ADGRG1: variants seen among roughly 807,000 people sequenced by gnomAD.
ADGRG1 encodes the protein 7-transmembrane protein with no EGF-like N-terminal domains-1.
In ADGRG1, 53 loss-of-function variants were observed where a neutral mutation model predicts 73.5. The observed-to-expected ratio is 0.72, with a 90% CI of 0.58 to 0.91. ADGRG1 has a LOEUF of 0.91. Among genes scored for constraint, ADGRG1 ranks in the 40% least tolerant of loss-of-function variants. The pLI is 0.00. For synonymous variants in ADGRG1, 394 were observed against 374.4 expected (o/e 1.05, Z -0.60); for missense variants, 795 against 871.8 (o/e 0.91, Z 1.11).
intron 3 of ADGRG1, chr16:57,652,981 G>C: frequency 7.1e-7 from 1 of 1,418,310 alleles, no homozygotes; most frequent in Non-Finnish European, 9.2e-7. Context: ...ATCCCGCTGG[G>C]GCTGGCATTG....
At chr16:57,644,725 TGGCACACACTGATCACAC>T (rs1567721408) in intron 1 of ADGRG1, among the ~76,000 whole-genome samples, 1 of 61,088 alleles carries the variant, frequency 1.6e-5, no homozygotes, top group Non-Finnish European at 3.4e-5. Flanking sequence ...TCACACGCAC[TGGCACACACTGATCACAC>T]GTATGCACGG....
intron 1 of ADGRG1, chr16:57,643,798 G>A (rs1381329466): frequency 1.1e-5 from 11 of 984,328 alleles, no homozygotes; most frequent in Non-Finnish European, 1.3e-5. Flanking sequence ...TCACTCACTT[G>A]GGGAGTGGGA....
chr16:57,623,396 C>T (rs1228146002), upstream of ADGRG1, among the ~76,000 whole-genome samples: 3 of 152,198 alleles, frequency 2.0e-5, no homozygotes, highest in Non-Finnish European at 2.9e-5. Context: ...CTCCACTCAC[C>T]AAGGGAGCCA....
Position 57,639,538 on chromosome 16 carries a change from C to A in ADGRG1, c.-35-10715C>A, listed in dbSNP as rs1205388074. 5.1e-6 allele frequency: 5 copies of A among 985,356 alleles called. No homozygotes were observed. In the African/African-American group the frequency reaches 8.7e-5, roughly 17 times the overall value. 61.0% of individuals were successfully genotyped at this position (985,356 alleles called of 1,614,324 possible). A position where few individuals can be genotyped will look rare whatever the true frequency, so the allele number is the denominator to read the frequency against. ...GTGGCCCAGCTTCAAAGTCTCTGTCCTCTTGAAAAAAGGTGGTCGGGGGAC... is the reference window on the plus strand; with the variant it reads ...GTGGCCCAGCTTCAAAGTCTCTGTCATCTTGAAAAAAGGTGGTCGGGGGAC... On this transcript the variant is annotated intron_variant, in intron 1 of 13. Transcript: ENST00000562631.
intron 5 of ADGRG1, among the ~76,000 whole-genome samples, chr16:57,654,418 C>A (rs1419272571): frequency 2.2e-5 from 3 of 135,162 alleles, no homozygotes; most frequent in African/African-American, 5.5e-5. Context: ...CACCCCCCCC[C>A]CCCGTTTTTT....
chr16:57,639,247 TC>T, intron 1 of ADGRG1: 1 of 985,242 alleles, frequency 1.0e-6, no homozygotes, highest in Non-Finnish European at 1.2e-6. Flanking sequence ...ACCCCTGCCC[TC>T]CCTCCTGCCA....
Position 57,664,122 on chromosome 16 carries a change from C to T in ADGRG1, c.*540C>T. Reference sequence around the variant, plus strand: ...GCCCTGGCGGAGGAGAGGCCCTTTGCCAGGAGCACAGCAGCAGCTCGCCTA... The same window carrying T: ...GCCCTGGCGGAGGAGAGGCCCTTTGTCAGGAGCACAGCAGCAGCTCGCCTA... On this transcript the variant is annotated 3_prime_UTR_variant, in exon 14 of 14. Transcript: ENST00000562631. 1 of 161,426 alleles carries T rather than the reference C, an allele frequency of 6.2e-6. No individual in the cohort carries two copies. Among genetic ancestry groups the T allele is most frequent in the South Asian group, 1.7e-4 (1 of 6,032 alleles). The allele number at this position is 161,426 out of a possible 1,614,324, so 10.0% of individuals were successfully genotyped here.
chr16:57,631,478 G>A (rs538062377), intron 1 of ADGRG1: 2 of 985,432 alleles, frequency 2.0e-6, no homozygotes, highest in Non-Finnish European at 2.4e-6. Context: ...GTGGAAGTAG[G>A]GAGGAGAGGG....
chr16:57,640,745 C>T (rs2040612844), intron 1 of ADGRG1: 1 of 278,362 alleles, frequency 3.6e-6, no homozygotes, highest in Non-Finnish European at 5.4e-6. Context: ...TGCTCTCGGC[C>T]CCTCAGCCAG....
At chr16:57,646,863 T>C in intron 1 of ADGRG1, 2 of 888,770 alleles carry the variant, frequency 2.3e-6, no homozygotes, top group Non-Finnish European at 2.7e-6. Context: ...ATTGCGGGGG[T>C]GTTGCTAGAA....
intron 1 of ADGRG1, chr16:57,647,733 G>A (rs2043036882): frequency 3.1e-6 from 3 of 958,302 alleles, no homozygotes. Flanking sequence ...AGCCAGGGCT[G>A]TCCACCTTGG....
chr16:57,626,908 C>T (rs1567661298), upstream of ADGRG1: 1 of 984,954 alleles, frequency 1.0e-6, no homozygotes, highest in Non-Finnish European at 1.2e-6. Flanking sequence ...TGTTAGTGGG[C>T]CCCCAGTGTA....
chr16:57,625,588 C>G, upstream of ADGRG1: 1 of 984,390 alleles, frequency 1.0e-6, no homozygotes, highest in Non-Finnish European at 1.2e-6. Context: ...GTACAAGTCC[C>G]TGGCGTCTAG....
In ADGRG1 at chr16:57,661,353, A is replaced by G; in HGVS notation, c.1665-344A>G. 6.1e-6 allele frequency: 6 copies of G among 985,118 alleles called. No homozygotes were observed. The South Asian group carries it at 2.8e-4, about 46-fold the overall frequency. The allele number at this position is 985,118 out of a possible 1,614,324, so 61.0% of individuals were successfully genotyped here. On this transcript the variant is annotated intron_variant, in intron 12 of 13. Transcript: ENST00000562631. ...AGGCTGGCAGCGGCCCTGCCTGTGG[A>G]TCCCCTGAACCCAAACCGGAAGCCA...
At chr16:57,642,169 C>G (rs2041010570) in intron 1 of ADGRG1, 3 of 985,292 alleles carry the variant, frequency 3.0e-6, no homozygotes, top group Admixed American at 1.2e-4. Flanking sequence ...GATGAAGTCA[C>G]AGGCCCAGCT....
chr16:57,651,872 A>G lies in ADGRG1; in HGVS notation c.487+250A>G, dbSNP rs772647974. 1.6e-5 allele frequency: 23 copies of G among 1,428,746 alleles called. No homozygotes were observed. In the South Asian group the frequency reaches 1.7e-4, roughly 11 times the overall value. The allele number at this position is 1,428,746 out of a possible 1,614,324, so 88.5% of individuals were successfully genotyped here. ...ACTTTGTGGGCAGGCAGGGGTGAGGATGGAAGGGCAAGGGCCCGTCCTGAG... is the reference window on the plus strand; with the variant it reads ...ACTTTGTGGGCAGGCAGGGGTGAGGGTGGAAGGGCAAGGGCCCGTCCTGAG... On this transcript the variant is annotated intron_variant, in intron 3 of 13. Coordinates refer to ENST00000562631, the MANE Select transcript of ADGRG1 (RefSeq NM_201525.4).
intron 1 of ADGRG1, chr16:57,644,992 A>G (rs1048565106): frequency 1.2e-6 from 1 of 831,898 alleles, no homozygotes; most frequent in Non-Finnish European, 1.4e-6. Context: ...CCATGCACAC[A>G]CACATGCACA....
At chr16:57,631,054 A>T (rs1375884217) in intron 1 of ADGRG1, 2 of 985,088 alleles carry the variant, frequency 2.0e-6, no homozygotes, top group East Asian at 2.3e-4. Context: ...CAGGACGGGG[A>T]GGGCCAGGAT....
chr16:57,644,850 GCA>G (rs1302572003), intron 1 of ADGRG1, among the ~76,000 whole-genome samples: 4 of 137,742 alleles, frequency 2.9e-5, no homozygotes, highest in South Asian at 4.8e-4. Flanking sequence ...CTCATGCAGG[GCA>G]CACACACCCA....
Sources: allele counts gnomAD v4.1 joint callset (sites outside exome capture counted in the v4.1 genomes callset), GRCh38; gene constraint gnomAD v4.1.1; transcripts MANE v1.5; gene names NCBI Gene and HGNC (gene_info 2026-07-23, HGNC 2026-07-21).